PPIP5K1: variants seen among roughly 807,000 people sequenced by gnomAD.
PPIP5K1 encodes the protein inositol hexakisphosphate and diphosphoinositol-pentakisphosphate kinase 1.
Under a neutral mutation model 27.7 loss-of-function variants are expected in PPIP5K1, and 6 were observed. The ratio of observed to expected loss-of-function variants is 0.22; its 90% CI spans 0.12 to 0.43. The LOEUF (loss-of-function observed/expected upper bound fraction) is 0.43. PPIP5K1 is among the 20% of genes least tolerant of loss of function. The pLI, the probability that PPIP5K1 is intolerant of heterozygous loss-of-function variation, is 1.00. For synonymous variants in PPIP5K1, 145 were observed against 242.6 expected (o/e 0.60, Z 3.74); for missense variants, 394 against 635.4 (o/e 0.62, Z 4.08).
At position 43,539,390 on chromosome 15, in the gene PPIP5K1, C is replaced by A. The variant is rs1002317780; in HGVS notation, c.3670+80G>T. 3.8e-6 allele frequency: 4 copies of A among 1,054,484 alleles called. No individual in the cohort carries two copies. The African/African-American group carries it at 6.3e-5, about 17-fold the overall frequency. 65.3% of individuals were successfully genotyped at this position (1,054,484 alleles called of 1,614,324 possible). ...TCTTTCAAGCCCCACCTTCTTTGAC[C>A]TCATGCAACAGGCCCCTCATTCACC... On this transcript the variant is annotated intron_variant, in intron 31 of 31. Transcript: ENST00000420765.
chr15:43,551,606 GTTTT>G (rs1293557795), intron 30 of PPIP5K1, among the ~76,000 whole-genome samples: 1 of 105,462 alleles, frequency 9.5e-6, no homozygotes, highest in Non-Finnish European at 1.7e-5. Flanking sequence ...TCTTGATTCA[GTTTT>G]TTTTTTTTTT....
At chr15:43,565,530 GA>G (rs1325007419) in intron 26 of PPIP5K1, among the ~76,000 whole-genome samples, 2 of 144,688 alleles carry the variant, frequency 1.4e-5, no homozygotes, top group East Asian at 2.0e-4. Flanking sequence ...CCTTTCCCAA[GA>G]ATGAAAGTAT....
At chr15:43,551,339 G>A (rs991375989) in intron 30 of PPIP5K1, among the ~76,000 whole-genome samples, 7 of 151,756 alleles carry the variant, frequency 4.6e-5, no homozygotes, top group East Asian at 3.9e-4. Context: ...CCAACACGGC[G>A]AAACCCCGTC....
chr15:43,559,037 G>C (rs1455316595), intron 29 of PPIP5K1, 105 bp from the exon 30 acceptor site: 1 of 1,418,854 alleles, frequency 7.0e-7, no homozygotes, highest in Non-Finnish European at 9.7e-7. Context: ...AGAGTCCGTG[G>C]CTTTTGGAGT....
At chr15:43,546,325 C>G (rs1410049878) in intron 30 of PPIP5K1, among the ~76,000 whole-genome samples, 3 of 152,172 alleles carry the variant, frequency 2.0e-5, no homozygotes, top group Non-Finnish European at 4.4e-5. Flanking sequence ...GAGAAAGGGT[C>G]TTGCTCTTTC....
intron 31 of PPIP5K1, 128 bp from the exon 32 acceptor site, chr15:43,535,604 C>T (rs1273239293): frequency 2.6e-6 from 2 of 765,170 alleles, no homozygotes; most frequent in African/African-American, 3.5e-5. Flanking sequence ...TGTCCAAATT[C>T]TTCCTAAGTT....
At chr15:43,545,085 A>G (rs2439834) in intron 30 of PPIP5K1, among the ~76,000 whole-genome samples, 42,107 of 151,596 alleles carry the variant, frequency 0.28, 10,156 homozygotes, top group African/African-American at 0.65. Context: ...GGCTGAGGCA[A>G]GAGAATGACG....
At chr15:43,559,792 G>A (rs2083546776) in intron 29 of PPIP5K1, among the ~76,000 whole-genome samples, 1 of 150,372 alleles carries the variant, frequency 6.7e-6, no homozygotes. Flanking sequence ...ATTGGAGGAT[G>A]AAGAAAAACA....
chr15:43,567,124 T>G (rs1277415549), intron 26 of PPIP5K1, among the ~76,000 whole-genome samples: 1 of 110,210 alleles, frequency 9.1e-6, no homozygotes, highest in Non-Finnish European at 1.6e-5. Flanking sequence ...TCGGGTTTTT[T>G]TTTTTTTTTT....
At chr15:43,539,400 AG>A in intron 31 of PPIP5K1, 69 bp downstream of exon 31, 1 of 1,140,838 alleles carries the variant, frequency 8.8e-7, no homozygotes, top group South Asian at 1.3e-5. Flanking sequence ...CTCATGCAAC[AG>A]GCCCCTCATT....
intron 11 of PPIP5K1, among the ~76,000 whole-genome samples, chr15:43,578,378 G>GA (rs1227989727): frequency 6.0e-5 from 1 of 16,582 alleles, no homozygotes; most frequent in Admixed American, 8.8e-4. Flanking sequence ...AAAGTTAAAA[G>GA]AAAAAAAATT....
At chr15:43,541,002 T>C (rs2080621842) in intron 30 of PPIP5K1, among the ~76,000 whole-genome samples, 1 of 152,168 alleles carries the variant, frequency 6.6e-6, no homozygotes, top group Non-Finnish European at 1.5e-5. Flanking sequence ...ATTCAAATTT[T>C]CCCAATTATT....
chr15:43,536,368 G>A (rs1187536387), intron 31 of PPIP5K1: 8 of 205,700 alleles, frequency 3.9e-5, no homozygotes, highest in African/African-American at 7.3e-5. Flanking sequence ...GCAGTGAGCC[G>A]AAATTGTGCC....
chr15:43,548,180 C>T (rs1311907419), intron 30 of PPIP5K1, among the ~76,000 whole-genome samples: 2 of 151,734 alleles, frequency 1.3e-5, no homozygotes, highest in East Asian at 3.9e-4. Flanking sequence ...CTCACTGCAA[C>T]CTCCGCCTCC....
chr15:43,535,503 T>A, intron 31 of PPIP5K1, 27 bp from the exon 32 acceptor site: 1 of 1,516,054 alleles, frequency 6.6e-7, no homozygotes, highest in Non-Finnish European at 8.9e-7. Flanking sequence ...AGAGATCAAG[T>A]TAGAGAAGCT....
intron 31 of PPIP5K1, among the ~76,000 whole-genome samples, chr15:43,536,912 G>A (rs1401259224): frequency 6.6e-6 from 1 of 152,098 alleles, no homozygotes; most frequent in African/African-American, 2.4e-5. Flanking sequence ...AATAATGACA[G>A]ATTCTGGGAA....
In PPIP5K1 at chr15:43,535,150, T is replaced by G; in HGVS notation, c.3997A>C (p.Ser1333Arg). 3.1e-6 allele frequency: 5 copies of G among 1,613,324 alleles called. No homozygotes were observed. Among genetic ancestry groups the G allele is most frequent in the Non-Finnish European group, 4.2e-6 (5 of 1,179,768 alleles). Reference sequence around the variant, plus strand: ...TCAGGGACCTTCTGACATGGCTGGCTGAGCGCCTCAGAAATGTCCTGGCAT... The same window carrying G: ...TCAGGGACCTTCTGACATGGCTGGCGGAGCGCCTCAGAAATGTCCTGGCAT... ...QPCQDISEAL[S>R]QPCQKVPDIS... Residue 1333 changes from serine (S) to arginine (R), a missense_variant, in exon 32 of 32, where the codon AGC (serine) becomes CGC (arginine). Ser to Arg is a moderately radical substitution (Grantham distance 110). This residue lies in a region of PPIP5K1 where 379 missense variants were observed against 423.9 expected (regional missense o/e 0.89). Coordinates refer to ENST00000420765, the MANE Select transcript of PPIP5K1 (RefSeq NM_001394395.1).
intron 31 of PPIP5K1, among the ~76,000 whole-genome samples, chr15:43,538,162 A>G (rs1165681353): frequency 6.6e-6 from 1 of 152,198 alleles, no homozygotes; most frequent in Non-Finnish European, 1.5e-5. Flanking sequence ...AAATTCTACA[A>G]CTGTTAAGTC....
Position 43,534,998 on chromosome 15 carries a change from C to T in PPIP5K1, c.4149G>A (p.Gln1383=). The T allele has an allele frequency of 6.2e-7, 1 of 1,613,774 alleles. No homozygotes were observed. The highest frequency in any genetic ancestry group is 8.5e-7 in the Non-Finnish European group (1 of 1,179,902). ...CCTCCTCGGAGTTCTCCAGACATAG[C>T]TGGCAAACTTCCTCAGAGACTTTCT... is the stretch of plus-strand genomic sequence containing the variant. The part of the protein sequence containing the change: ...LCQKVSEEVC[Q]LCLENSEEVS... Residue 1383 remains glutamine (Q), a synonymous_variant, in exon 32 of 32, where the codon CAG becomes CAA. Transcript: ENST00000420765.
Sources: allele counts gnomAD v4.1 joint callset (sites outside exome capture counted in the v4.1 genomes callset), GRCh38; gene constraint gnomAD v4.1.1; regional missense constraint gnomAD v4.1.1; transcripts MANE v1.5; gene names NCBI Gene and HGNC (gene_info 2026-07-23, HGNC 2026-07-21).